Variants in RNF169 observed in about 807,000 individuals in gnomAD.
RNF169 encodes E3 ubiquitin-protein ligase RNF169.
In RNF169, 24 loss-of-function variants were observed where a neutral mutation model predicts 53.9. The ratio of observed to expected loss-of-function variants is 0.45; its 90% CI spans 0.32 to 0.63. The LOEUF is 0.63. RNF169 is among the 20% of genes least tolerant of loss of function. RNF169 has a pLI of 0.04. For synonymous variants in RNF169, 396 were observed against 363.5 expected, an observed-to-expected ratio of 1.09 and a Z score of -1.02; for missense variants, 883 against 906.2, an observed-to-expected ratio of 0.97 and a Z score of 0.33.
intron 1 of RNF169, among the ~76,000 whole-genome samples, chr11:74,765,814 AAAAAACAAAAAC>A (rs1362813143): frequency 6.7e-6 from 1 of 148,760 alleles, no homozygotes. Flanking sequence ...CTCAAAAAAA[AAAAAACAAAAAC>A]AAAAACAAAA....
chr11:74,838,912 A>G lies in RNF169; in HGVS notation c.*2182A>G, dbSNP rs1337941201. 2 of 152,172 alleles carry G rather than the reference A, an allele frequency of 1.3e-5. No homozygotes were observed. Among genetic ancestry groups the G allele is most frequent in the Non-Finnish European group, 2.9e-5 (2 of 68,020 alleles). 9.4% of individuals were successfully genotyped at this position (152,172 alleles called of 1,614,324 possible). ...GCTAGTCTTGTTGGTAGGAGCAAAG[A>G]CACTTATTTTTCCACTTGCCATCTT... On this transcript the variant is annotated 3_prime_UTR_variant, in exon 6 of 6. Coordinates refer to ENST00000299563, the MANE Select transcript of RNF169 (RefSeq NM_001098638.2).
chr11:74,819,710 A>G (rs2035984385), intron 4 of RNF169, among the ~76,000 whole-genome samples: 1 of 152,212 alleles, frequency 6.6e-6, no homozygotes, highest in African/African-American at 2.4e-5. Context: ...TAGATTCCAT[A>G]GGATTAATAT....
chr11:74,821,712 A>G (rs2036013489), intron 4 of RNF169, among the ~76,000 whole-genome samples: 1 of 151,872 alleles, frequency 6.6e-6, no homozygotes, highest in Non-Finnish European at 1.5e-5. Context: ...GAATAGGCAA[A>G]TACGTAGAGA....
intron 4 of RNF169, among the ~76,000 whole-genome samples, chr11:74,822,244 A>C (rs1365232779): frequency 6.6e-6 from 1 of 152,118 alleles, no homozygotes; most frequent in African/African-American, 2.4e-5. Flanking sequence ...TAAGCTGTCT[A>C]ACGTTTTATA....
chr11:74,801,887 C>T (rs2035736312), intron 2 of RNF169, among the ~76,000 whole-genome samples: 1 of 152,098 alleles, frequency 6.6e-6, no homozygotes, highest in Admixed American at 6.5e-5. Flanking sequence ...TGTGAAACCC[C>T]CCTTAGAATG....
intron 1 of RNF169, among the ~76,000 whole-genome samples, chr11:74,762,927 TGA>T (rs1271155866): frequency 6.6e-6 from 1 of 152,222 alleles, no homozygotes; most frequent in Non-Finnish European, 1.5e-5. Context: ...CCTAGCAGGT[TGA>T]GTTTTACCAT....
chr11:74,827,676 G>A (rs777574353), intron 4 of RNF169, among the ~76,000 whole-genome samples: 12 of 151,996 alleles, frequency 7.9e-5, no homozygotes, highest in African/African-American at 1.7e-4. Context: ...GTGGTTCAGC[G>A]TAGGCAAATC....
Position 74,748,935 on chromosome 11 carries a change from C to G in RNF169, c.55C>G (p.Leu19Val). Residue 19 changes from leucine to valine, a missense_variant, in exon 1 of 6, where the codon CTG (leucine) becomes GTG (valine). Coordinates refer to ENST00000299563, the MANE Select transcript of RNF169 (RefSeq NM_001098638.2). ...RASSAAAAAALSRRGRRGRCD... is the reference protein window; with the variant it reads ...RASSAAAAAAVSRRGRRGRCD... ...CTCTTCCGCGGCGGCAGCAGCCGCTCTGAGTCGGCGGGGCCGGCGGGGCCG... is the reference window on the plus strand; with the variant it reads ...CTCTTCCGCGGCGGCAGCAGCCGCTGTGAGTCGGCGGGGCCGGCGGGGCCG... 6.8e-7 allele frequency: 1 copy of G among 1,466,946 alleles called. No homozygotes were observed. The highest frequency in any genetic ancestry group is 9.1e-7 in the Non-Finnish European group (1 of 1,099,214). The allele number at this position is 1,466,946 out of a possible 1,614,324, so 90.9% of individuals were successfully genotyped here. A position where few individuals can be genotyped will look rare whatever the true frequency, so the allele number is the denominator to read the frequency against.
At chr11:74,831,776 A>G (rs1012018473) in intron 4 of RNF169, 10 of 152,178 alleles carry the variant, frequency 6.6e-5, no homozygotes, top group Non-Finnish European at 1.0e-4. Flanking sequence ...AATCAAAACA[A>G]TGTGGTACTG....
At chr11:74,820,762 G>C (rs1565185446) in intron 4 of RNF169, among the ~76,000 whole-genome samples, 1 of 152,198 alleles carries the variant, frequency 6.6e-6, no homozygotes, top group Non-Finnish European at 1.5e-5. Context: ...TAAGGAGAAT[G>C]GTGGTAGAAG....
At chr11:74,813,986 G>A (rs370115548) in intron 3 of RNF169, among the ~76,000 whole-genome samples, 9 of 151,880 alleles carry the variant, frequency 5.9e-5, no homozygotes, top group South Asian at 2.1e-4. Flanking sequence ...CACTGCGCCC[G>A]GCCTAGATGC....
intron 1 of RNF169, among the ~76,000 whole-genome samples, chr11:74,751,062 G>C (rs896675289): frequency 1.3e-5 from 2 of 151,808 alleles, no homozygotes; most frequent in African/African-American, 2.4e-5. Context: ...GTAGAGACGG[G>C]GTTTCGCCAT....
At chr11:74,753,721 T>A (rs77721828) in intron 1 of RNF169, among the ~76,000 whole-genome samples, 1 of 147,418 alleles carries the variant, frequency 6.8e-6, no homozygotes, top group Non-Finnish European at 1.5e-5. Flanking sequence ...ACGTTCTTAA[T>A]TTTTTTTTTA....
In RNF169 at chr11:74,749,171, C is replaced by T; in HGVS notation, c.291C>T (p.Asp97=). ...LCRGCAQRAA[D]AAGPGCPRCR... The stretch of plus-strand genomic sequence containing the variant: ...GAGGCTGCGCCCAACGCGCCGCCGA[C>T]GCGGCGGGCCCGGGTTGCCCTCGCT... Residue 97 remains aspartate, a synonymous_variant, in exon 1 of 6, where the codon GAC becomes GAT. Coordinates refer to ENST00000299563, the MANE Select transcript of RNF169 (RefSeq NM_001098638.2). The T allele has an allele frequency of 8.1e-7, 1 of 1,233,310 alleles. No homozygotes were observed. The highest frequency in any genetic ancestry group is 1.0e-6 in the Non-Finnish European group (1 of 989,352). 76.4% of individuals were successfully genotyped at this position (1,233,310 alleles called of 1,614,324 possible). A position where few individuals can be genotyped will look rare whatever the true frequency, so the allele number is the denominator to read the frequency against.
intron 4 of RNF169, among the ~76,000 whole-genome samples, chr11:74,817,968 T>C (rs2035960279): frequency 6.6e-6 from 1 of 152,186 alleles, no homozygotes; most frequent in African/African-American, 2.4e-5. Context: ...AGTGTGACCC[T>C]TTTATCTTGG....
intron 4 of RNF169, among the ~76,000 whole-genome samples, chr11:74,832,973 C>T (rs1295699879): frequency 6.6e-6 from 1 of 152,188 alleles, no homozygotes; most frequent in African/African-American, 2.4e-5. Context: ...AAATTTTCCA[C>T]CTGCTCCAAA....
chr11:74,816,304 T>G (rs2035941430), intron 3 of RNF169, among the ~76,000 whole-genome samples: 1 of 152,220 alleles, frequency 6.6e-6, no homozygotes, highest in Non-Finnish European at 1.5e-5. Context: ...TATTGGAAAT[T>G]TTTTAAAAAG....
chr11:74,755,838 G>A (rs916695517), intron 1 of RNF169, among the ~76,000 whole-genome samples: 6 of 152,318 alleles, frequency 3.9e-5, no homozygotes, highest in Admixed American at 3.9e-4. Context: ...CTGGAGTGGG[G>A]AAGTAGAGAA....
intron 4 of RNF169, among the ~76,000 whole-genome samples, chr11:74,828,143 T>C (rs1295350269): frequency 6.6e-5 from 10 of 152,204 alleles, no homozygotes; most frequent in Non-Finnish European, 1.0e-4. Context: ...AATCTCAGGA[T>C]ACAAAATCAT....
Sources: gnomAD v4.1 joint callset for allele counts (sites outside exome capture counted in the v4.1 genomes callset) on GRCh38, gnomAD v4.1.1 for gene constraint, MANE v1.5 for transcripts, NCBI Gene and HGNC (gene_info 2026-07-23, HGNC 2026-07-21) for gene names.